GABRA6: variants seen among roughly 807,000 people sequenced by gnomAD.
The protein encoded by GABRA6 is gamma-aminobutyric acid type A receptor subunit alpha6, also known as gamma-aminobutyric acid receptor subunit alpha-6.
Under a neutral mutation model 47.3 loss-of-function variants are expected in GABRA6, and 45 were observed. The observed-to-expected ratio is 0.95, with a 90% CI of 0.75 to 1.22. The LOEUF (loss-of-function observed/expected upper bound fraction) is 1.22, where lower values mean the gene tolerates loss of function less well. Among genes scored for constraint, GABRA6 ranks in the 50% most tolerant of loss-of-function variants. The pLI is 0.00. For synonymous variants in GABRA6, 219 were observed against 194.7 expected (o/e 1.12, Z -1.04); for missense variants, 583 against 549.3 (o/e 1.06, Z -0.61).
rs1581120137 is a variant in GABRA6 at position 161,686,016 on chromosome 5, C to T, written c.27C>T (p.Cys9=). ...TGGCGTCGTCTCTGCCCTGGCTGTG[C>T]ATTATTCTGTGGTGAGTAAGATCCT... MASSLPWL[C]IILWLENALG... Residue 9 remains cysteine, a synonymous_variant, in exon 1 of 9, where the codon TGC becomes TGT. Transcript: ENST00000274545. The T allele has an allele frequency of 6.2e-7, 1 of 1,613,812 alleles. No individual in the cohort carries two copies. Among genetic ancestry groups the T allele is most frequent in the African/African-American group, 1.3e-5 (1 of 75,018 alleles).
rs1754994779 is a variant in GABRA6, at chr5:161,702,203, T to C, written c.*430T>C. On this transcript the variant is annotated 3_prime_UTR_variant, in exon 9 of 9. Coordinates refer to ENST00000274545, the MANE Select transcript of GABRA6 (RefSeq NM_000811.3). Reference sequence around the variant, plus strand: ...GGGCAAAATATAAATACAGTCTAAATATTTATCAGTAGGTTAATACCAGCA... The same window carrying C: ...GGGCAAAATATAAATACAGTCTAAACATTTATCAGTAGGTTAATACCAGCA... 1 of 193,812 alleles carries C rather than the reference T, an allele frequency of 5.2e-6. No individual in the cohort carries two copies. The highest frequency in any genetic ancestry group is 9.5e-5 in the South Asian group (1 of 10,540). 12.0% of individuals were successfully genotyped at this position (193,812 alleles called of 1,614,324 possible). A position where few individuals can be genotyped will look rare whatever the true frequency, so the allele number is the denominator to read the frequency against.
At chr5:161,696,681 T>C (rs748952354) in intron 8 of GABRA6, among the ~76,000 whole-genome samples, 11 of 152,212 alleles carry the variant, frequency 7.2e-5, no homozygotes, top group Non-Finnish European at 1.6e-4. Context: ...TTATTCAATA[T>C]ATTGCTGCCA....
Position 161,686,245 on chromosome 5 carries a change from A to C in GABRA6, c.54A>C (p.Leu18=), listed in dbSNP as rs779283943. The C allele has an allele frequency of 1.9e-6, 3 of 1,613,492 alleles. No individual in the cohort carries two copies. The highest frequency in any genetic ancestry group is 3.3e-5 in the Admixed American group (2 of 60,014). The part of the protein sequence containing the change: ...LCIILWLENA[L]GKLEVEGNFY... The stretch of plus-strand genomic sequence containing the variant: ...CTACACACAGGCTAGAAAATGCCCT[A>C]GGGAAACTCGAAGTTGAAGGCAACT... The change falls in exon 2 of 9, where the codon CTA becomes CTC. Residue 18 remains leucine (L), a synonymous_variant. Transcript: ENST00000274545.
chr5:161,690,114 T>C, intron 6 of GABRA6, 87 bp from the exon 7 acceptor site: 2 of 1,278,352 alleles, frequency 1.6e-6, no homozygotes, highest in Non-Finnish European at 2.3e-6. Flanking sequence ...TCAATGTTAA[T>C]TTAAAAGTTG....
At chr5:161,692,792 T>C (rs890706723) in intron 8 of GABRA6, among the ~76,000 whole-genome samples, 1 of 152,222 alleles carries the variant, frequency 6.6e-6, no homozygotes, top group Non-Finnish European at 1.5e-5. Flanking sequence ...TTACGTTCAG[T>C]GAGAAATAGT....
Position 161,688,608 on chromosome 5 carries a change from C to T in GABRA6, c.226-341C>T, listed in dbSNP as rs181204073. Among the ~76,000 whole-genome samples the T allele has an allele frequency of 5.7e-4, 86 of 152,106 alleles. No homozygotes were observed. The East Asian group carries it at 0.012, about 22-fold the overall frequency. ...CCGATGGTATAAAGGCCAGCCAGCACAAAGGCTAAACTAAATATTTCCATA... is the reference window on the plus strand; with the variant it reads ...CCGATGGTATAAAGGCCAGCCAGCATAAAGGCTAAACTAAATATTTCCATA... On this transcript the variant is annotated intron_variant, in intron 3 of 8. Transcript: ENST00000274545.
Position 161,689,766 on chromosome 5 carries a change from T to A in GABRA6, c.660T>A (p.Ile220=), listed in dbSNP as rs1397820331. 5 of 1,613,078 alleles carry A rather than the reference T, an allele frequency of 3.1e-6. No homozygotes were observed. Residue 220 remains isoleucine (I), a synonymous_variant, in exon 6 of 9, where the codon ATT becomes ATA. Coordinates refer to ENST00000274545, the MANE Select transcript of GABRA6 (RefSeq NM_000811.3). ...LIGQTVSSET[I]KSNTGEYVIM... is the part of the protein sequence containing the mutation. ...GACAAACAGTATCTAGTGAGACAATTAAATCTAACACAGGTAAGAATTTGA... is the reference window on the plus strand; with the variant it reads ...GACAAACAGTATCTAGTGAGACAATAAAATCTAACACAGGTAAGAATTTGA...
At chr5:161,688,800 A>G in intron 3 of GABRA6, 149 bp from the exon 4 acceptor site, 1 of 705,002 alleles carries the variant, frequency 1.4e-6, no homozygotes, top group Non-Finnish European at 2.5e-6. Context: ...AACAATAATA[A>G]CTAGCTAAAA....
intron 3 of GABRA6, 55 bp downstream of exon 3, chr5:161,687,058 C>A: frequency 1.4e-6 from 2 of 1,409,758 alleles, no homozygotes. Flanking sequence ...AGAGTGGAGT[C>A]CCAAAACTAA....
Position 161,689,330 on chromosome 5 carries a change from G to T in GABRA6, c.523G>T (p.Gly175Trp). Reference protein sequence around the residue: ...MDGHACPLKFGSYAYPKSEII... With the variant: ...MDGHACPLKFWSYAYPKSEII... ...TGGGCATGCTTGTCCACTCAAGTTT[G>T]GGAGCTGTAAGTTACAACAGGCTTC... Residue 175 changes from glycine to tryptophan, a missense_variant, in exon 5 of 9, where the codon GGG becomes TGG. Coordinates refer to ENST00000274545, the MANE Select transcript of GABRA6 (RefSeq NM_000811.3). The T allele has an allele frequency of 1.9e-6, 3 of 1,613,816 alleles. No individual in the cohort carries two copies. In the South Asian group the frequency reaches 3.3e-5, roughly 18 times the overall value.
At chr5:161,699,832 ACT>A (rs1754947911) in intron 8 of GABRA6, among the ~76,000 whole-genome samples, 1 of 151,420 alleles carries the variant, frequency 6.6e-6, no homozygotes, top group African/African-American at 2.4e-5. Context: ...AATATCTTAA[ACT>A]CTCTTCTACC....
chr5:161,687,328 A>G, intron 3 of GABRA6: 1 of 396,884 alleles, frequency 2.5e-6, no homozygotes, highest in African/African-American at 2.1e-5. Context: ...GGAGGAAGAA[A>G]AAAAACACAC....
intron 8 of GABRA6, among the ~76,000 whole-genome samples, chr5:161,693,952 A>G (rs1388433647): frequency 6.6e-6 from 1 of 152,148 alleles, no homozygotes; most frequent in Non-Finnish European, 1.5e-5. Flanking sequence ...AGGATAAAAC[A>G]TTTTAAGAAA....
chr5:161,689,594 C>G, intron 5 of GABRA6, 42 bp from the exon 6 acceptor site: 1 of 1,540,876 alleles, frequency 6.5e-7, no homozygotes, highest in Admixed American at 1.7e-5. Context: ...AAAGACAACT[C>G]GTCAAATTCA....
At chr5:161,688,101 A>T (rs1471280155) in intron 3 of GABRA6, among the ~76,000 whole-genome samples, 2 of 152,056 alleles carry the variant, frequency 1.3e-5, no homozygotes, top group African/African-American at 4.8e-5. Context: ...GTCTGTTTTT[A>T]CAGTTTATTT....
intron 8 of GABRA6, among the ~76,000 whole-genome samples, chr5:161,699,798 C>T (rs907973288): frequency 4.6e-5 from 7 of 152,052 alleles, no homozygotes; most frequent in African/African-American, 1.4e-4. Flanking sequence ...ATCTCCTCTT[C>T]AAGAGCAGCA....
In GABRA6 at chr5:161,689,627, A is replaced by T. The variant is rs928024636; in HGVS notation, c.530-9A>T. 1 of 1,604,252 alleles carries T rather than the reference A, an allele frequency of 6.2e-7. No individual in the cohort carries two copies. The highest frequency in any genetic ancestry group is 8.5e-7 in the Non-Finnish European group (1 of 1,171,522). On this transcript the variant is annotated splice_polypyrimidine_tract_variant and intron_variant, in intron 5 of 8. Transcript: ENST00000274545. ...TCACTGCTATATTTAATTTGTTTCA[A>T]ATATTTAGATGCTTATCCCAAAAGT...
At chr5:161,687,103 A>T in intron 3 of GABRA6, 100 bp downstream of exon 3, 1 of 918,946 alleles carries the variant, frequency 1.1e-6, no homozygotes, top group Non-Finnish European at 1.8e-6. Context: ...TTGGCTCCAG[A>T]TTCATGACAC....
intron 8 of GABRA6, among the ~76,000 whole-genome samples, chr5:161,693,786 C>T (rs776217073): frequency 6.6e-6 from 1 of 152,014 alleles, no homozygotes; most frequent in East Asian, 1.9e-4. Context: ...CCGCTGAACT[C>T]CATCTTGGGT....
Sources: gnomAD v4.1 joint callset for allele counts (sites outside exome capture counted in the v4.1 genomes callset) on GRCh38, gnomAD v4.1.1 for gene constraint, MANE v1.5 for transcripts, NCBI Gene and HGNC (gene_info 2026-07-23, HGNC 2026-07-21) for gene names.